Variants in SNTG2 observed in about 807,000 individuals in gnomAD.
The protein encoded by SNTG2 is gamma-2-syntrophin.
Under a neutral mutation model 70.9 loss-of-function variants are expected in SNTG2, and 74 were observed. The ratio of observed to expected loss-of-function variants is 1.04; its 90% confidence interval spans 0.86 to 1.27. The LOEUF (loss-of-function observed/expected upper bound fraction) is 1.27. SNTG2 is among the 50% of genes most tolerant of loss of function. The pLI, the probability that SNTG2 is intolerant of heterozygous loss-of-function variation, is 0.00. For synonymous variants in SNTG2, 278 were observed against 273.8 expected, an observed-to-expected ratio of 1.02 and a Z score of -0.15; for missense variants, 717 against 690.7, an observed-to-expected ratio of 1.04 and a Z score of -0.43.
intron 1 of SNTG2, among the ~76,000 whole-genome samples, chr2:1,081,721 C>G (rs1339772562): frequency 6.6e-6 from 1 of 152,240 alleles, no homozygotes; most frequent in Non-Finnish European, 1.5e-5. Flanking sequence ...ACTCCCAGTT[C>G]CAGCACCCAC....
intron 1 of SNTG2, among the ~76,000 whole-genome samples, chr2:988,384 T>C (rs1261994974): frequency 6.6e-6 from 1 of 152,246 alleles, no homozygotes; most frequent in Non-Finnish European, 1.5e-5. Flanking sequence ...CCTAGAGTTG[T>C]TGTGCCTTTT....
chr2:1,155,994 A>G (rs1487160224), intron 6 of SNTG2, among the ~76,000 whole-genome samples: 1 of 152,186 alleles, frequency 6.6e-6, no homozygotes, highest in African/African-American at 2.4e-5. Flanking sequence ...AGGCCAGGCC[A>G]GGCCAGGACA....
chr2:1,095,283 T>C (rs1368242858), intron 2 of SNTG2, among the ~76,000 whole-genome samples: 1 of 152,174 alleles, frequency 6.6e-6, no homozygotes, highest in Non-Finnish European at 1.5e-5. Flanking sequence ...CAGCACTTCC[T>C]ATTAGGGCTC....
chr2:1,181,381 G>A (rs1671886044), intron 8 of SNTG2, among the ~76,000 whole-genome samples: 5 of 152,168 alleles, frequency 3.3e-5, no homozygotes, highest in Admixed American at 3.3e-4. Flanking sequence ...AAACTTTCTA[G>A]ACTCAAAGGA....
In SNTG2 at chr2:1,310,400, G is replaced by A. The variant is rs139645100; in HGVS notation, c.1377+1814G>A. Among the ~76,000 whole-genome samples the A allele has an allele frequency of 5.3e-5, 8 of 152,300 alleles. No homozygotes were observed. The East Asian group carries it at 1.5e-3, about 29-fold the overall frequency. On this transcript the variant is annotated intron_variant, in intron 15 of 16. Transcript: ENST00000308624. ...TCAGCATAGTGTCCAGAGGTCACGTGTCTCTCTGTTGTGATTCTGCTAGAG... is the reference window on the plus strand; with the variant it reads ...TCAGCATAGTGTCCAGAGGTCACGTATCTCTCTGTTGTGATTCTGCTAGAG...
intron 14 of SNTG2, among the ~76,000 whole-genome samples, chr2:1,305,425 G>A (rs1426424928): frequency 1.3e-5 from 2 of 152,218 alleles, no homozygotes; most frequent in African/African-American, 4.8e-5. Flanking sequence ...TGTGGGAAGT[G>A]GGCCGTGAGG....
intron 2 of SNTG2, among the ~76,000 whole-genome samples, chr2:1,091,366 CT>C (rs1389283812): frequency 6.6e-6 from 1 of 152,198 alleles, no homozygotes; most frequent in Non-Finnish European, 1.5e-5. Flanking sequence ...GGGAGGACAG[CT>C]TAGGGTGGAA....
intron 14 of SNTG2, among the ~76,000 whole-genome samples, chr2:1,300,970 G>A (rs1309858631): frequency 1.3e-5 from 2 of 152,148 alleles, no homozygotes; most frequent in African/African-American, 4.8e-5. Flanking sequence ...CTAATTGATT[G>A]TGCTTCTCAA....
chr2:1,099,152 A>G (rs1024149857), intron 4 of SNTG2, among the ~76,000 whole-genome samples: 3 of 152,184 alleles, frequency 2.0e-5, no homozygotes, highest in African/African-American at 7.2e-5. Flanking sequence ...CACCTGGTCC[A>G]GCAGCTCCTG....
At chr2:1,241,322 C>A (rs1177452672) in intron 11 of SNTG2, among the ~76,000 whole-genome samples, 1 of 152,184 alleles carries the variant, frequency 6.6e-6, no homozygotes, top group Non-Finnish European at 1.5e-5. Context: ...ACAGTGATGT[C>A]CGCAAGTGGA....
chr2:997,324 A>G (rs1435980334), intron 1 of SNTG2, among the ~76,000 whole-genome samples: 1 of 152,060 alleles, frequency 6.6e-6, no homozygotes, highest in Non-Finnish European at 1.5e-5. Flanking sequence ...AGGGAAGGAC[A>G]TGGTGAACAT....
chr2:1,291,291 A>T (rs1374877277), intron 14 of SNTG2, among the ~76,000 whole-genome samples: 2 of 152,154 alleles, frequency 1.3e-5, no homozygotes, highest in Non-Finnish European at 2.9e-5. Context: ...AAACTTTCAC[A>T]TTCTCTGGGT....
rs747495776 is a variant in SNTG2 at position 1,239,747 on chromosome 2, G to A, written c.859G>A (p.Ala287Thr). ...RELTLQNMKM[A>T]NKCCSPSDQV... ...TGCCTTCTCTCCACAGATGAAGATG[G>A]CGAACAAATGCTGCTCTCCTTCCGA... The change falls in exon 11 of 17, where the codon GCG becomes ACG. Residue 287 changes from alanine (A) to threonine (T), a missense_variant. Transcript: ENST00000308624. 6.2e-7 allele frequency: 1 copy of A among 1,613,390 alleles called. No individual in the cohort carries two copies. Among genetic ancestry groups the A allele is most frequent in the Non-Finnish European group, 8.5e-7 (1 of 1,179,790 alleles).
chr2:1,089,453 G>A (rs1572402469), intron 2 of SNTG2, among the ~76,000 whole-genome samples: 1 of 152,152 alleles, frequency 6.6e-6, no homozygotes, highest in African/African-American at 2.4e-5. Flanking sequence ...TGACCAACAT[G>A]GTGAAACCCC....
At chr2:1,169,780 C>G (rs7585498) in intron 7 of SNTG2, among the ~76,000 whole-genome samples, 33,752 of 152,118 alleles carry the variant, frequency 0.22, 4,720 homozygotes, top group African/African-American at 0.4. Context: ...ACGGACCACC[C>G]CACACGTCCT....
intron 1 of SNTG2, among the ~76,000 whole-genome samples, chr2:982,341 A>T (rs1661133155): frequency 6.6e-6 from 1 of 152,160 alleles, no homozygotes; most frequent in African/African-American, 2.4e-5. Context: ...TTCTTTGAGA[A>T]TAATTGGTGT....
intron 16 of SNTG2, among the ~76,000 whole-genome samples, chr2:1,328,918 TACAC>T (rs35428712): frequency 1.6e-4 from 25 of 151,610 alleles, no homozygotes; most frequent in African/African-American, 2.4e-4. Flanking sequence ...CATGCACACA[TACAC>T]ACGCACAGAT....
intron 8 of SNTG2, among the ~76,000 whole-genome samples, chr2:1,192,015 G>T (rs1439673387): frequency 6.6e-6 from 1 of 152,116 alleles, no homozygotes; most frequent in Admixed American, 6.6e-5. Context: ...GGGTTGCTTG[G>T]CAGAAGACAG....
intron 14 of SNTG2, among the ~76,000 whole-genome samples, chr2:1,281,386 GTGGTGTGTGTTTATGTGGTGTGTT>G: frequency 7.1e-6 from 1 of 140,754 alleles, no homozygotes; most frequent in Non-Finnish European, 1.5e-5. Context: ...TATGTGGTGT[GTGGTGTGTGTTTATGTGGTGTGTT>G]GTGTGTGTGT....
Sources: allele counts gnomAD v4.1 joint callset (sites outside exome capture counted in the v4.1 genomes callset), GRCh38; gene constraint gnomAD v4.1.1; transcripts MANE v1.5; gene names NCBI Gene and HGNC (gene_info 2026-07-23, HGNC 2026-07-21).